The following RBMS3 variants were observed in gnomAD, a reference collection of about 807,000 sequenced individuals.
RBMS3 encodes RNA-binding motif, single-stranded-interacting protein 3.
RBMS3 carries 27 observed loss-of-function variants against 66.8 expected under a neutral mutation model. The observed-to-expected ratio is 0.40, with a 90% CI of 0.30 to 0.56. RBMS3 has a LOEUF of 0.56. Among genes scored for constraint, RBMS3 ranks in the 20% least tolerant of loss-of-function variants. The pLI, the probability that RBMS3 is intolerant of heterozygous loss-of-function variation, is 0.40. For missense variants in RBMS3, 513 were observed against 549.5 expected (o/e 0.93, Z 0.66); for synonymous variants, 188 against 183.0 (o/e 1.03, Z -0.22).
At chr3:29,815,148 C>A (rs931683486) in intron 6 of RBMS3, among the ~76,000 whole-genome samples, 4 of 152,174 alleles carry the variant, frequency 2.6e-5, no homozygotes, top group African/African-American at 7.2e-5. Context: ...TCTTCAACTG[C>A]AGCACAAGAT....
chr3:29,634,980 A>G (rs1271031504), intron 4 of RBMS3, among the ~76,000 whole-genome samples: 2 of 151,926 alleles, frequency 1.3e-5, no homozygotes, highest in Non-Finnish European at 2.9e-5. Context: ...TACTCTAAAT[A>G]GAAGCATTTC....
chr3:29,609,178 G>T (rs1189558296), intron 4 of RBMS3, among the ~76,000 whole-genome samples: 1 of 151,962 alleles, frequency 6.6e-6, no homozygotes, highest in Non-Finnish European at 1.5e-5. Flanking sequence ...GTTTCTAAAT[G>T]CTTACTCTGC....
At chr3:29,969,581 G>T (rs576702815) in intron 12 of RBMS3, among the ~76,000 whole-genome samples, 6 of 152,258 alleles carry the variant, frequency 3.9e-5, no homozygotes, top group African/African-American at 1.4e-4. Context: ...AAGAGAATAG[G>T]TCATTTCCAG....
chr3:29,413,338 C>T lies in RBMS3; in HGVS notation c.76-21405C>T, dbSNP rs546636251. Among the ~76,000 whole-genome samples, 25 of 152,114 alleles carry T rather than the reference C, an allele frequency of 1.6e-4. No individual in the cohort carries two copies. In the South Asian group the frequency reaches 3.1e-3, roughly 19 times the overall value. On this transcript the variant is annotated intron_variant, in intron 1 of 14. Transcript: ENST00000383767. Reference sequence around the variant, plus strand: ...GAGCTGAGATCGTGCCACTGCACTCCGGCCTGGGCAAAGAGAGTGAAACTC... The same window carrying T: ...GAGCTGAGATCGTGCCACTGCACTCTGGCCTGGGCAAAGAGAGTGAAACTC...
intron 1 of RBMS3, among the ~76,000 whole-genome samples, chr3:29,282,578 C>G (rs2031901805): frequency 6.6e-6 from 1 of 152,106 alleles, no homozygotes; most frequent in South Asian, 2.1e-4. Context: ...GCAGTTAAGA[C>G]ATGAAAGACT....
At chr3:29,587,292 G>C in intron 4 of RBMS3, 87 bp downstream of exon 4, 1 of 736,266 alleles carries the variant, frequency 1.4e-6, no homozygotes, top group Non-Finnish European at 2.0e-6. Flanking sequence ...GAGAGAGAGA[G>C]AGATCAGGAG....
At chr3:29,946,231 G>C (rs557707638) in intron 12 of RBMS3, among the ~76,000 whole-genome samples, 1 of 151,626 alleles carries the variant, frequency 6.6e-6, no homozygotes, top group Non-Finnish European at 1.5e-5. Flanking sequence ...AATTGAATCT[G>C]CTTTTCTCAA....
chr3:29,516,455 G>A (rs568868166), intron 3 of RBMS3, among the ~76,000 whole-genome samples: 3 of 151,982 alleles, frequency 2.0e-5, no homozygotes, highest in African/African-American at 7.2e-5. Context: ...GTTTGTTTTT[G>A]TTTTTTGGTT....
intron 4 of RBMS3, among the ~76,000 whole-genome samples, chr3:29,619,309 T>TA (rs951012428): frequency 6.6e-6 from 1 of 151,342 alleles, no homozygotes; most frequent in African/African-American, 2.4e-5. Flanking sequence ...AGTTTTAGTT[T>TA]AAAAAAAGAA....
intron 6 of RBMS3, among the ~76,000 whole-genome samples, chr3:29,803,244 A>G (rs1444637894): frequency 6.6e-6 from 1 of 152,136 alleles, no homozygotes; most frequent in Non-Finnish European, 1.5e-5. Flanking sequence ...AGGGACTTCA[A>G]ATCAGTATTT....
At chr3:29,871,338 A>G (rs1336740729) in intron 7 of RBMS3, among the ~76,000 whole-genome samples, 1 of 152,132 alleles carries the variant, frequency 6.6e-6, no homozygotes, top group Non-Finnish European at 1.5e-5. Context: ...AAATAAAAGC[A>G]CTAACCAAAG....
At chr3:29,993,803 C>T (rs138286329) in intron 14 of RBMS3, among the ~76,000 whole-genome samples, 2 of 152,358 alleles carry the variant, frequency 1.3e-5, no homozygotes, top group South Asian at 2.1e-4. Flanking sequence ...TAGAATTACA[C>T]TGTTGGCTCT....
At position 29,762,981 on chromosome 3, in the gene RBMS3, G is replaced by A. The variant is rs940774135; in HGVS notation, c.629G>A (p.Gly210Asp). 5.6e-6 allele frequency: 9 copies of A among 1,603,062 alleles called. No individual in the cohort carries two copies. The African/African-American group carries it at 1.1e-4, about 19-fold the overall frequency. ...GGAAAATATCTGAAAACACCACCAGGCATCCCAGGTAAGAAATTCACTAAT... is the reference window on the plus strand; with the variant it reads ...GGAAAATATCTGAAAACACCACCAGACATCCCAGGTAAGAAATTCACTAAT... ...FNGKYLKTPP[G>D]IPAPSEPLLC... Residue 210 changes from glycine to aspartate, a missense_variant, in exon 6 of 15, where the codon GGC becomes GAC. Transcript: ENST00000383767.
At chr3:29,744,870 A>T (rs2054815313) in intron 5 of RBMS3, among the ~76,000 whole-genome samples, 1 of 151,856 alleles carries the variant, frequency 6.6e-6, no homozygotes, top group Non-Finnish European at 1.5e-5. Flanking sequence ...ATATCTCTTG[A>T]ATGTATGACT....
chr3:29,716,176 C>T (rs1409920341), intron 4 of RBMS3, among the ~76,000 whole-genome samples: 1 of 152,098 alleles, frequency 6.6e-6, no homozygotes, highest in Non-Finnish European at 1.5e-5. Flanking sequence ...ATACCTAAAA[C>T]ACATTAAATT....
At chr3:29,492,000 A>G (rs976805187) in intron 3 of RBMS3, among the ~76,000 whole-genome samples, 1 of 152,162 alleles carries the variant, frequency 6.6e-6, no homozygotes, top group African/African-American at 2.4e-5. Context: ...CTCGAAAAAA[A>G]AAAAAGAAAT....
At chr3:29,435,079 G>T in intron 2 of RBMS3, 164 bp downstream of exon 2, 3 of 783,906 alleles carry the variant, frequency 3.8e-6, no homozygotes, top group East Asian at 2.8e-5. Context: ...GTTTATTTTG[G>T]GGAGTGGAAT....
chr3:29,369,477 A>G (rs1473437259), intron 1 of RBMS3, among the ~76,000 whole-genome samples: 1 of 128,390 alleles, frequency 7.8e-6, no homozygotes, highest in Admixed American at 8.3e-5. Context: ...TTCTCAGATC[A>G]TCACTCCTTA....
chr3:29,646,671 CT>C lies in RBMS3; in HGVS notation c.399+59477del, dbSNP rs367778935. Among the ~76,000 whole-genome samples the C allele has an allele frequency of 7.2e-3, 1,037 of 144,412 alleles. 16 individuals carry two copies. The highest frequency in any genetic ancestry group is 0.021 in the African/African-American group (826 of 39,596). The allele number at this position is 144,412 out of a possible 152,430, so 94.7% of individuals were successfully genotyped here. A position where few individuals can be genotyped will look rare whatever the true frequency, so the allele number is the denominator to read the frequency against. On this transcript the variant is annotated intron_variant, in intron 4 of 14. Coordinates refer to ENST00000383767, the MANE Select transcript of RBMS3 (RefSeq NM_001003793.3). ...GCCAGCCAAAGGCTCATTTTTTCTC[CT>C]TTTTTTTTTTCATCCTAACTACAGT...
Sources: allele counts gnomAD v4.1 joint callset (sites outside exome capture counted in the v4.1 genomes callset), GRCh38; gene constraint gnomAD v4.1.1; transcripts MANE v1.5; gene names NCBI Gene and HGNC (gene_info 2026-07-23, HGNC 2026-07-21).